GALNT15: variants seen among roughly 807,000 people sequenced by gnomAD.
GALNT15 encodes the protein polypeptide N-acetylgalactosaminyltransferase 15.
Under a neutral mutation model 66.8 loss-of-function variants are expected in GALNT15, and 67 were observed. That is an observed-to-expected ratio of 1.00 (90% CI 0.82 to 1.23). The LOEUF is 1.23. Among genes scored for constraint, GALNT15 ranks in the 50% most tolerant of loss-of-function variants. GALNT15 has a pLI of 0.00. For missense variants in GALNT15, 827 were observed against 804.3 expected, an observed-to-expected ratio of 1.03 and a Z score of -0.34; for synonymous variants, 313 against 311.5, an observed-to-expected ratio of 1.00 and a Z score of -0.05.
At chr3:16,194,506 T>A (rs1259258881) in intron 1 of GALNT15, among the ~76,000 whole-genome samples, 1 of 152,246 alleles carries the variant, frequency 6.6e-6, no homozygotes, top group African/African-American at 2.4e-5. Context: ...CTCTGATATT[T>A]CTTTTGCTGT....
At chr3:16,233,578 C>CT (rs1461986640), downstream of GALNT15, among the ~76,000 whole-genome samples, 2 of 152,064 alleles carry the variant, frequency 1.3e-5, no homozygotes, top group Non-Finnish European at 2.9e-5. Flanking sequence ...CCCTCACTTT[C>CT]TTTATCTTTC....
chr3:16,214,196 C>T (rs916404204), intron 6 of GALNT15, among the ~76,000 whole-genome samples: 1 of 152,194 alleles, frequency 6.6e-6, no homozygotes, highest in Non-Finnish European at 1.5e-5. Flanking sequence ...TCACAAGGAC[C>T]CAGCTCACTT....
intron 1 of GALNT15, among the ~76,000 whole-genome samples, chr3:16,185,009 A>G (rs964475913): frequency 1.3e-5 from 2 of 152,206 alleles, no homozygotes; most frequent in Non-Finnish European, 2.9e-5. Flanking sequence ...CCCTAGGGCC[A>G]TTAGAAGTTG....
chr3:16,229,893 C>T lies in GALNT15; in HGVS notation c.*2393C>T, dbSNP rs1575003892. ...TGCAGAAGTGGCTGTCAACTCAGTC[C>T]CTGGCTGGTATTTACAGACCCTTAA... is the stretch of plus-strand genomic sequence containing the variant. On this transcript the variant is annotated 3_prime_UTR_variant, in exon 10 of 10. Transcript: ENST00000339732. The T allele has an allele frequency of 3.4e-6, 1 of 290,446 alleles. No individual in the cohort carries two copies. Among genetic ancestry groups the T allele is most frequent in the East Asian group, 1.7e-4 (1 of 5,732 alleles). The allele number at this position is 290,446 out of a possible 1,614,324, so 18.0% of individuals were successfully genotyped here. A position where few individuals can be genotyped will look rare whatever the true frequency, so the allele number is the denominator to read the frequency against.
chr3:16,206,064 C>T (rs73136420), intron 3 of GALNT15, among the ~76,000 whole-genome samples: 5,268 of 152,272 alleles, frequency 0.035, 306 homozygotes, highest in African/African-American at 0.12. Flanking sequence ...TAAAAAGCAA[C>T]GTACTCCTTT....
chr3:16,213,419 C>A (rs1401856563), intron 6 of GALNT15, among the ~76,000 whole-genome samples: 2 of 133,112 alleles, frequency 1.5e-5, no homozygotes, highest in African/African-American at 5.9e-5. Context: ...CACGCCACTG[C>A]ACTCCAGCCT....
In GALNT15 at chr3:16,228,226, T is replaced by C; in HGVS notation, c.*726T>C. 1.0e-6 allele frequency: 1 copy of C among 985,926 alleles called. No homozygotes were observed. The highest frequency in any genetic ancestry group is 1.2e-6 in the Non-Finnish European group (1 of 829,976). The allele number at this position is 985,926 out of a possible 1,614,324, so 61.1% of individuals were successfully genotyped here. The stretch of plus-strand genomic sequence containing the variant: ...CCTCTATTCCCCCTGCCCTAGCTCT[T>C]CTCTAACTTGGTTAACCATAACCAT... On this transcript the variant is annotated 3_prime_UTR_variant, in exon 10 of 10. Coordinates refer to ENST00000339732, the MANE Select transcript of GALNT15 (RefSeq NM_054110.5).
the GALNT15 span, among the ~76,000 whole-genome samples, chr3:16,244,476 T>C: frequency 2.6e-5 from 4 of 152,260 alleles, no homozygotes; most frequent in Admixed American, 2.6e-4. Flanking sequence ...GCACCACTGC[T>C]ACACTGATCA....
At chr3:16,237,493 A>G in the GALNT15 span, among the ~76,000 whole-genome samples, 9 of 152,010 alleles carry the variant, frequency 5.9e-5, no homozygotes, top group Non-Finnish European at 1.3e-4. The surrounding 1 kb of genome is among the most constrained non-coding windows in gnomAD (Gnocchi z 4.2). Context: ...CCCTACATCT[A>G]CTTTGCATTC....
chr3:16,242,780 A>G, the GALNT15 span, among the ~76,000 whole-genome samples: 7 of 152,108 alleles, frequency 4.6e-5, no homozygotes, highest in Non-Finnish European at 1.0e-4. This position sits in a 1 kb window ranked among gnomAD's most constrained non-coding sequence, Gnocchi z 5.6. Context: ...CCCTGTCTCA[A>G]AAAAGAAAAG....
intron 4 of GALNT15, among the ~76,000 whole-genome samples, chr3:16,210,215 T>C (rs2063798652): frequency 6.6e-6 from 1 of 152,186 alleles, no homozygotes; most frequent in African/African-American, 2.4e-5. Context: ...TATCCCCAAT[T>C]AGAGGTGAGG....
chr3:16,188,886 C>A lies in GALNT15; in HGVS notation c.540-6874C>A, dbSNP rs564451477. Among the ~76,000 whole-genome samples the A allele has an allele frequency of 2.0e-4, 31 of 152,232 alleles. No individual in the cohort carries two copies. Among genetic ancestry groups the A allele is most frequent in the African/African-American group, 7.0e-4 (29 of 41,538 alleles). On this transcript the variant is annotated intron_variant, in intron 1 of 9. Coordinates refer to ENST00000339732, the MANE Select transcript of GALNT15 (RefSeq NM_054110.5). The surrounding 1 kb of genome is among the most constrained non-coding windows in gnomAD (Gnocchi z 4.6). Reference sequence around the variant, plus strand: ...ACTTCCACCTCCCTCCTTGTGTCCTCTCTCTCCAAGGTCCTCATGATGACA... The same window carrying A: ...ACTTCCACCTCCCTCCTTGTGTCCTATCTCTCCAAGGTCCTCATGATGACA...
At chr3:16,223,755 C>T (rs1246279190) in intron 9 of GALNT15, among the ~76,000 whole-genome samples, 3 of 145,406 alleles carry the variant, frequency 2.1e-5, no homozygotes, top group Admixed American at 7.1e-5. Context: ...TGCAGTGGTG[C>T]GATCTTGGCT....
downstream of GALNT15, among the ~76,000 whole-genome samples, chr3:16,233,615 T>C (rs1223104312): frequency 6.6e-6 from 1 of 152,152 alleles, no homozygotes; most frequent in Admixed American, 6.5e-5. Flanking sequence ...TTCTCATCTT[T>C]GAGCAAACCT....
At chr3:16,234,710 T>A (rs1248216882), downstream of GALNT15, among the ~76,000 whole-genome samples, 2 of 152,210 alleles carry the variant, frequency 1.3e-5, no homozygotes, top group Non-Finnish European at 2.9e-5. Flanking sequence ...ACATGGCTTG[T>A]CCCAACAAAA....
chr3:16,229,165 G>T lies in GALNT15; in HGVS notation c.*1665G>T. ...TCAAATAAGAAAAACTGAGTGGGAA[G>T]TGCAGTGTTTCCAAACAATACCTAT... On this transcript the variant is annotated 3_prime_UTR_variant, in exon 10 of 10. Transcript: ENST00000339732. 1 of 985,350 alleles carries T rather than the reference G, an allele frequency of 1.0e-6. No individual in the cohort carries two copies. Among genetic ancestry groups the T allele is most frequent in the Non-Finnish European group, 1.2e-6 (1 of 829,892 alleles). 61.0% of individuals were successfully genotyped at this position (985,350 alleles called of 1,614,324 possible). A position where few individuals can be genotyped will look rare whatever the true frequency, so the allele number is the denominator to read the frequency against.
Position 16,175,155 on chromosome 3 carries a change from C to T in GALNT15, c.4C>T (p.Leu2Phe), listed in dbSNP as rs377759992. ...GCATTTGGCAAGTTCTAGCAACATG[C>T]TCCTAAGGAAGCGATACAGGCACAG... M[L>F]LRKRYRHRPC... Residue 2 changes from leucine to phenylalanine, a missense_variant, in exon 1 of 10, where the codon CTC becomes TTC. Coordinates refer to ENST00000339732, the MANE Select transcript of GALNT15 (RefSeq NM_054110.5). The surrounding 1 kb of genome is among the most constrained non-coding windows in gnomAD (Gnocchi z 5.6). The T allele has an allele frequency of 2.0e-5, 32 of 1,608,900 alleles. No homozygotes were observed. The highest frequency in any genetic ancestry group is 4.0e-5 in the African/African-American group (3 of 74,830).
intron 1 of GALNT15, among the ~76,000 whole-genome samples, chr3:16,179,914 G>C (rs1221121529): frequency 6.6e-6 from 1 of 152,192 alleles, no homozygotes; most frequent in Non-Finnish European, 1.5e-5. Context: ...GGAGGAACAA[G>C]CCCGGCCCAT....
At chr3:16,202,399 G>A (rs1238306034) in intron 3 of GALNT15, among the ~76,000 whole-genome samples, 5 of 152,182 alleles carry the variant, frequency 3.3e-5, no homozygotes, top group African/African-American at 7.2e-5. Context: ...TTGGGAGGCC[G>A]AGGCAGACGG....
Sources: allele counts gnomAD v4.1 joint callset (sites outside exome capture counted in the v4.1 genomes callset), GRCh38; gene constraint gnomAD v4.1.1; non-coding constraint Gnocchi (gnomAD v3.1); transcripts MANE v1.5; gene names NCBI Gene and HGNC (gene_info 2026-07-23, HGNC 2026-07-21).